The following PTPRR variants were observed in gnomAD, a reference collection of about 807,000 sequenced individuals.
The protein encoded by PTPRR is protein tyrosine phosphatase receptor type R, also known as receptor-type tyrosine-protein phosphatase R.
PTPRR carries 38 observed loss-of-function variants against 77.2 expected under a neutral mutation model. The ratio of observed to expected loss-of-function variants is 0.49; its 90% CI spans 0.38 to 0.65. The LOEUF (loss-of-function observed/expected upper bound fraction) is 0.65, where lower values mean the gene tolerates loss of function less well. Ranked by LOEUF, PTPRR falls within the 30% of genes least tolerant of loss-of-function variation. PTPRR has a pLI of 0.00. For missense variants in PTPRR, 744 were observed against 799.2 expected (o/e 0.93, Z 0.83); for synonymous variants, 299 against 283.1 (o/e 1.06, Z -0.57).
At chr12:70,911,814 T>C (rs1893705156) in intron 1 of PTPRR, among the ~76,000 whole-genome samples, 1 of 150,498 alleles carries the variant, frequency 6.6e-6, no homozygotes, top group South Asian at 2.1e-4. Flanking sequence ...TTACCCAGTA[T>C]TGGCATAAAC....
chr12:70,749,717 A>G (rs1340122388), intron 5 of PTPRR, among the ~76,000 whole-genome samples: 2 of 152,068 alleles, frequency 1.3e-5, no homozygotes, highest in African/African-American at 4.8e-5. Flanking sequence ...CTACAACTAG[A>G]GAAACTCTTT....
chr12:70,754,117 T>C (rs1592734496), intron 5 of PTPRR, 74 bp downstream of exon 5: 1 of 1,370,606 alleles, frequency 7.3e-7, no homozygotes, highest in East Asian at 2.3e-5. Flanking sequence ...AACATTCATT[T>C]GAATGGCAAT....
chr12:70,833,800 C>G (rs1390276902), intron 2 of PTPRR, among the ~76,000 whole-genome samples: 1 of 152,088 alleles, frequency 6.6e-6, no homozygotes, highest in Non-Finnish European at 1.5e-5. Context: ...TGAAAAGGCC[C>G]CAGATGACAT....
chr12:70,776,272 C>T lies in PTPRR; in HGVS notation c.358-11494G>A, dbSNP rs190907056. On this transcript the variant is annotated intron_variant, in intron 2 of 13. Transcript: ENST00000283228. The stretch of plus-strand genomic sequence containing the variant: ...AGTCAAGTTCTGTCTATTCTACCTG[C>T]TAAATAGTCCTTGAATGTTGAACCC... Among the ~76,000 whole-genome samples, 274 of 152,262 alleles carry T rather than the reference C, an allele frequency of 1.8e-3. 4 individuals are homozygous for T. Among genetic ancestry groups the T allele is most frequent in the African/African-American group, 5.3e-3 (219 of 41,568 alleles).
intron 2 of PTPRR, among the ~76,000 whole-genome samples, chr12:70,778,634 T>A (rs1441192773): frequency 6.6e-6 from 1 of 152,168 alleles, no homozygotes; most frequent in Non-Finnish European, 1.5e-5. Context: ...TGTCCTTATG[T>A]TTTTTCAGCA....
At chr12:70,837,445 C>T (rs1892323871) in intron 2 of PTPRR, among the ~76,000 whole-genome samples, 4 of 152,122 alleles carry the variant, frequency 2.6e-5, no homozygotes. Context: ...TCTTCTACCA[C>T]ATTCTTACAA....
chr12:70,719,766 C>T (rs929760419), intron 6 of PTPRR, among the ~76,000 whole-genome samples: 3 of 152,170 alleles, frequency 2.0e-5, no homozygotes. Flanking sequence ...TCTCTGGATG[C>T]CATTAACAGA....
At chr12:70,699,504 T>C (rs56403876) in intron 7 of PTPRR, among the ~76,000 whole-genome samples, 3,953 of 152,280 alleles carry the variant, frequency 0.026, 157 homozygotes, top group African/African-American at 0.089. Flanking sequence ...CAGTGTGCAG[T>C]GGCACAATCA....
rs980741476 is a variant in PTPRR at position 70,920,598 on chromosome 12, A to C, written c.-208T>G. ...AGAGGGAGAGAGGAAGAGCAGTAGGAGGTTGCGGGTAAGGGGAACAGAAGC... is the reference window on the plus strand; with the variant it reads ...AGAGGGAGAGAGGAAGAGCAGTAGGCGGTTGCGGGTAAGGGGAACAGAAGC... On this transcript the variant is annotated 5_prime_UTR_variant, in exon 1 of 14. Transcript: ENST00000283228. 3.4e-5 allele frequency: 18 copies of C among 532,224 alleles called. No homozygotes were observed. Among genetic ancestry groups the C allele is most frequent in the Non-Finnish European group, 5.4e-5 (16 of 293,830 alleles). The allele number at this position is 532,224 out of a possible 1,614,324, so 33.0% of individuals were successfully genotyped here. A position where few individuals can be genotyped will look rare whatever the true frequency, so the allele number is the denominator to read the frequency against.
intron 2 of PTPRR, 101 bp downstream of exon 2, chr12:70,892,578 T>C: frequency 7.4e-7 from 1 of 1,348,382 alleles, no homozygotes; most frequent in Non-Finnish European, 1.0e-6. Context: ...CCCGTTGGGA[T>C]TCATTGATAA....
intron 2 of PTPRR, among the ~76,000 whole-genome samples, chr12:70,843,103 A>C (rs1480005621): frequency 4.6e-5 from 7 of 152,210 alleles, no homozygotes; most frequent in Admixed American, 4.6e-4. Flanking sequence ...GACAAGTGAC[A>C]ATTGTCTGTC....
At chr12:70,672,973 T>C in intron 10 of PTPRR, 1 of 1,396,736 alleles carries the variant, frequency 7.2e-7, no homozygotes, top group South Asian at 1.2e-5. Context: ...GTAAGCCTCC[T>C]CTTCTAGGTA....
chr12:70,905,503 T>C (rs763382620), intron 1 of PTPRR, among the ~76,000 whole-genome samples: 2 of 151,860 alleles, frequency 1.3e-5, no homozygotes, highest in South Asian at 2.1e-4. Context: ...ACTTTTATCA[T>C]AAAAACAACA....
At chr12:70,710,653 C>T (rs12827715) in intron 6 of PTPRR, among the ~76,000 whole-genome samples, 10,388 of 152,114 alleles carry the variant, frequency 0.068, 472 homozygotes, top group South Asian at 0.12. Context: ...GCCAACTCTG[C>T]ATCAGACAAA....
intron 13 of PTPRR, among the ~76,000 whole-genome samples, chr12:70,651,105 G>C (rs1886377883): frequency 1.3e-5 from 2 of 152,188 alleles, no homozygotes; most frequent in African/African-American, 4.8e-5. Flanking sequence ...AGTGCCGCTT[G>C]CTTTCCCAAG....
At chr12:70,873,346 A>G (rs1892993802) in intron 2 of PTPRR, among the ~76,000 whole-genome samples, 1 of 152,206 alleles carries the variant, frequency 6.6e-6, no homozygotes, top group Non-Finnish European at 1.5e-5. Flanking sequence ...TATGCCAGTC[A>G]AAATGCCTGG....
chr12:70,828,147 T>C (rs1892148077), intron 2 of PTPRR, among the ~76,000 whole-genome samples: 1 of 152,216 alleles, frequency 6.6e-6, no homozygotes, highest in African/African-American at 2.4e-5. Flanking sequence ...ACATACATAT[T>C]CAGTCTGTAA....
intron 2 of PTPRR, among the ~76,000 whole-genome samples, chr12:70,795,389 C>A (rs900256967): frequency 3.3e-5 from 5 of 152,102 alleles, no homozygotes; most frequent in African/African-American, 1.2e-4. Context: ...TGTGATCAAC[C>A]TTTGATGATT....
intron 7 of PTPRR, among the ~76,000 whole-genome samples, chr12:70,700,866 T>G (rs534007482): frequency 6.6e-6 from 1 of 152,288 alleles, no homozygotes; most frequent in African/African-American, 2.4e-5. Flanking sequence ...AGCAAGGCTA[T>G]TCTTTGTCCT....
Sources: allele counts gnomAD v4.1 joint callset (sites outside exome capture counted in the v4.1 genomes callset), GRCh38; gene constraint gnomAD v4.1.1; transcripts MANE v1.5; gene names NCBI Gene and HGNC (gene_info 2026-07-23, HGNC 2026-07-21).